SMOX: variants seen among roughly 807,000 people sequenced by gnomAD.
SMOX encodes the protein flavin containing amine oxidase.
SMOX carries 22 observed loss-of-function variants against 51.0 expected under a neutral mutation model. That is an observed-to-expected ratio of 0.43 (90% CI 0.31 to 0.62). SMOX has a LOEUF of 0.62. Among genes scored for constraint, SMOX ranks in the 20% least tolerant of loss-of-function variants. The pLI is 0.10. For synonymous variants in SMOX, 282 were observed against 307.8 expected (o/e 0.92, Z 0.88); for missense variants, 566 against 777.7 (o/e 0.73, Z 3.24).
At chr20:4,179,365 C>T (rs1032139132) in intron 3 of SMOX, among the ~76,000 whole-genome samples, 5 of 151,700 alleles carry the variant, frequency 3.3e-5, no homozygotes, top group Non-Finnish European at 5.9e-5. Flanking sequence ...CAAGAGAGTG[C>T]GTTGTGGATA....
Position 4,183,761 on chromosome 20 carries a change from G to C in SMOX, c.1530+107G>C. ...GTAGTGTTCACTAAGGGGTGCTCAGGTGAGGCAGGGATGGAGTAGCTTCTG... is the reference window on the plus strand; with the variant it reads ...GTAGTGTTCACTAAGGGGTGCTCAGCTGAGGCAGGGATGGAGTAGCTTCTG... On this transcript the variant is annotated intron_variant, in intron 6 of 6. Coordinates refer to ENST00000305958, the MANE Select transcript of SMOX (RefSeq NM_175839.3). This position sits in a 1 kb window ranked among gnomAD's most constrained non-coding sequence, Gnocchi z 4.3. 2 of 1,312,856 alleles carry C rather than the reference G, an allele frequency of 1.5e-6. No individual in the cohort carries two copies. The highest frequency in any genetic ancestry group is 2.0e-6 in the Non-Finnish European group (2 of 999,054). The allele number at this position is 1,312,856 out of a possible 1,614,324, so 81.3% of individuals were successfully genotyped here. A position where few individuals can be genotyped will look rare whatever the true frequency, so the allele number is the denominator to read the frequency against.
At chr20:4,163,667 G>A (rs1238206369) in intron 1 of SMOX, among the ~76,000 whole-genome samples, 1 of 152,198 alleles carries the variant, frequency 6.6e-6, no homozygotes, top group Non-Finnish European at 1.5e-5. Context: ...GTCAGCCAGC[G>A]CTGCAGTCAT....
chr20:4,155,836 C>A (rs1338044819), intron 1 of SMOX, among the ~76,000 whole-genome samples: 2 of 151,914 alleles, frequency 1.3e-5, no homozygotes, highest in East Asian at 3.9e-4. Flanking sequence ...GTACAGAGGG[C>A]AGACACAAAG....
chr20:4,154,906 T>C (rs538860876), intron 1 of SMOX, among the ~76,000 whole-genome samples: 125 of 151,664 alleles, frequency 8.2e-4, no homozygotes, highest in Non-Finnish European at 1.4e-3. Context: ...CTGTAGAAGA[T>C]GTGAGATGCA....
chr20:4,165,933 G>A (rs897438639), intron 1 of SMOX, among the ~76,000 whole-genome samples: 8 of 152,234 alleles, frequency 5.3e-5, no homozygotes, highest in African/African-American at 1.7e-4. Context: ...TCTGCCTGCT[G>A]AGAGGTGACT....
rs904386570 is a variant in SMOX, at chr20:4,182,987, G to T, written c.1369+139G>T. 7.9e-7 allele frequency: 1 copy of T among 1,261,508 alleles called. No individual in the cohort carries two copies. The highest frequency in any genetic ancestry group is 1.1e-6 in the Non-Finnish European group (1 of 938,014). The allele number at this position is 1,261,508 out of a possible 1,614,324, so 78.1% of individuals were successfully genotyped here. On this transcript the variant is annotated intron_variant, in intron 5 of 6. Coordinates refer to ENST00000305958, the MANE Select transcript of SMOX (RefSeq NM_175839.3). The surrounding 1 kb of genome is among the most constrained non-coding windows in gnomAD (Gnocchi z 8.4). ...TGCCCCACGGGAGAGCCACTGCAGG[G>T]TGCCACATTCAGCCAAAGGCTCTTC...
At chr20:4,155,283 A>G (rs1332944487) in intron 1 of SMOX, among the ~76,000 whole-genome samples, 1 of 152,132 alleles carries the variant, frequency 6.6e-6, no homozygotes, top group African/African-American at 2.4e-5. Flanking sequence ...CAGCGTGTGC[A>G]GTGCCTGTCA....
chr20:4,178,717 CTTG>C lies in SMOX; in HGVS notation c.435+1145_435+1147del, dbSNP rs1465375985. ...TTTTTTTTTGAGACGGAGTTTCGCT[CTTG>C]TTGTCCAGGCTAGAGTACGATGGCA... On this transcript the variant is annotated intron_variant, in intron 3 of 6. Coordinates refer to ENST00000305958, the MANE Select transcript of SMOX (RefSeq NM_175839.3). Among the ~76,000 whole-genome samples the C allele has an allele frequency of 1.5e-4, 22 of 144,718 alleles. No individual in the cohort carries two copies. In the South Asian group the frequency reaches 2.1e-3, roughly 14 times the overall value. The allele number at this position is 144,718 out of a possible 152,430, so 94.9% of individuals were successfully genotyped here. A position where few individuals can be genotyped will look rare whatever the true frequency, so the allele number is the denominator to read the frequency against.
chr20:4,150,830 T>C (rs1225634282), intron 1 of SMOX, among the ~76,000 whole-genome samples: 1 of 131,092 alleles, frequency 7.6e-6, no homozygotes. Context: ...CTCACTTTTT[T>C]TTTTTTTTTT....
At chr20:4,175,375 A>G in intron 2 of SMOX, 112 bp downstream of exon 2, 2 of 1,265,650 alleles carry the variant, frequency 1.6e-6, no homozygotes, top group Non-Finnish European at 2.2e-6. Context: ...ATGTTCCATC[A>G]TGCATCCTGC....
chr20:4,177,249 T>C lies in SMOX; in HGVS notation c.209-102T>C, dbSNP rs938952868. 12 of 1,017,372 alleles carry C rather than the reference T, an allele frequency of 1.2e-5. No individual in the cohort carries two copies. The highest frequency in any genetic ancestry group is 2.2e-4 in the Middle Eastern group (1 of 4,622). The allele number at this position is 1,017,372 out of a possible 1,614,324, so 63.0% of individuals were successfully genotyped here. ...AAGTTCAAGCTCTTTCCTGCCCTGT[T>C]GTAGGGTGGAAAGACCCTCTTGGAG... On this transcript the variant is annotated intron_variant, in intron 2 of 6. Transcript: ENST00000305958. This position sits in a 1 kb window ranked among gnomAD's most constrained non-coding sequence, Gnocchi z 4.3.
Position 4,178,205 on chromosome 20 carries a change from A to T in SMOX, c.435+628A>T, listed in dbSNP as rs929850726. 1.3e-4 allele frequency among the ~76,000 whole-genome samples: 20 copies of T among 151,784 alleles called. 1 individual carries two copies. The highest frequency in any genetic ancestry group is 4.8e-4 in the African/African-American group (20 of 41,258). On this transcript the variant is annotated intron_variant, in intron 3 of 6. Transcript: ENST00000305958. ...TACAGGCACGTGGCATGCCCAGCTA[A>T]TTTTTGTATTTTTAGTAGAGATGGG...
In SMOX at chr20:4,182,380, C is replaced by A. The variant is rs145014650; in HGVS notation, c.901C>A (p.Arg301=). Residue 301 remains arginine, a synonymous_variant, in exon 5 of 7, where the codon CGG becomes AGG. Coordinates refer to ENST00000305958, the MANE Select transcript of SMOX (RefSeq NM_175839.3). The surrounding 1 kb of genome is among the most constrained non-coding windows in gnomAD (Gnocchi z 8.4). ...GEGGQGGEEP[R]GGRWDEDEQW... ...GGGTGGCCAGGGTGGAGAGGAGCCC[C>A]GGGGGGGCAGGTGGGATGAGGATGA... 2.5e-6 allele frequency: 4 copies of A among 1,595,990 alleles called. No individual in the cohort carries two copies. The South Asian group carries it at 4.6e-5, about 18-fold the overall frequency.
chr20:4,183,174 A>G lies in SMOX; in HGVS notation c.1370-320A>G, dbSNP rs764553877. The G allele has an allele frequency of 1.9e-4, 106 of 564,616 alleles. 1 individual carries two copies. The highest frequency in any genetic ancestry group is 3.0e-4 in the Non-Finnish European group (96 of 319,174). 35.0% of individuals were successfully genotyped at this position (564,616 alleles called of 1,614,324 possible). Reference sequence around the variant, plus strand: ...TACTCTCTGAGTCTTTCAGCTCAACATTTTTCACCCACTATTCCAGGAGGA... The same window carrying G: ...TACTCTCTGAGTCTTTCAGCTCAACGTTTTTCACCCACTATTCCAGGAGGA... On this transcript the variant is annotated intron_variant, in intron 5 of 6. Coordinates refer to ENST00000305958, the MANE Select transcript of SMOX (RefSeq NM_175839.3). This position sits in a 1 kb window ranked among gnomAD's most constrained non-coding sequence, Gnocchi z 4.3.
chr20:4,182,628 C>A lies in SMOX; in HGVS notation c.1149C>A (p.Ser383Arg). Residue 383 changes from serine (S) to arginine (R), a missense_variant, in exon 5 of 7, where the codon AGC (serine) becomes AGA (arginine). Ser to Arg is a moderately radical substitution (Grantham distance 110). This residue lies in a region of SMOX where 347 missense variants were observed against 481.8 expected (regional missense o/e 0.72). Transcript: ENST00000305958. This position sits in a 1 kb window ranked among gnomAD's most constrained non-coding sequence, Gnocchi z 8.4. The part of the protein sequence containing the change: ...EEPFWGPECN[S>R]LQFVWEDEAE... ...CCTTCTGGGGCCCTGAGTGCAACAG[C>A]CTACAGTTTGTGTGGGAGGACGAAG... The A allele has an allele frequency of 6.2e-7, 1 of 1,614,122 alleles. No homozygotes were observed. The highest frequency in any genetic ancestry group is 8.5e-7 in the Non-Finnish European group (1 of 1,180,020).
chr20:4,182,782 G>C lies in SMOX; in HGVS notation c.1303G>C (p.Val435Leu), dbSNP rs150061281. The change falls in exon 5 of 7, where the codon GTC becomes CTC. Residue 435 changes from valine to leucine, a missense_variant. Val to Leu is a conservative substitution (Grantham distance 32, BLOSUM62 1). Coordinates refer to ENST00000305958, the MANE Select transcript of SMOX (RefSeq NM_175839.3). The surrounding 1 kb of genome is among the most constrained non-coding windows in gnomAD (Gnocchi z 8.4). ...CTGGATCTGCGGGGAGGAGGCCCTC[G>C]TCATGGAGAAGTGTGATGACGAGGC... is the stretch of plus-strand genomic sequence containing the variant. ...SGWICGEEAL[V>L]MEKCDDEAVA... The C allele has an allele frequency of 1.5e-5, 24 of 1,613,548 alleles. No homozygotes were observed. Among genetic ancestry groups the C allele is most frequent in the African/African-American group, 4.0e-5 (3 of 74,906 alleles).
At chr20:4,161,997 G>C (rs983427878) in intron 1 of SMOX, among the ~76,000 whole-genome samples, 1 of 152,160 alleles carries the variant, frequency 6.6e-6, no homozygotes, top group East Asian at 1.9e-4. Context: ...GGCAGCCACC[G>C]GGTGGCAGGG....
At chr20:4,169,341 C>T (rs773558341) in intron 1 of SMOX, among the ~76,000 whole-genome samples, 3 of 152,118 alleles carry the variant, frequency 2.0e-5, no homozygotes, top group East Asian at 1.9e-4. Context: ...TTGTGAGGGG[C>T]GTCTTGGAAG....
At chr20:4,158,753 C>T (rs976924133) in intron 1 of SMOX, among the ~76,000 whole-genome samples, 5 of 152,080 alleles carry the variant, frequency 3.3e-5, no homozygotes, top group Middle Eastern at 3.4e-3. Context: ...AACCCCATGG[C>T]TCTCTCAGAG....
Sources: gnomAD v4.1 joint callset for allele counts (sites outside exome capture counted in the v4.1 genomes callset) on GRCh38, gnomAD v4.1.1 for gene constraint, gnomAD v4.1.1 regional missense constraint, Gnocchi (gnomAD v3.1) non-coding constraint, MANE v1.5 for transcripts, NCBI Gene and HGNC (gene_info 2026-07-23, HGNC 2026-07-21) for gene names.